The following SFMBT1 variants were observed in gnomAD, a reference collection of about 807,000 sequenced individuals.
SFMBT1 encodes scm-like with four MBT domains protein 1.
In SFMBT1, 32 loss-of-function variants were observed where a neutral mutation model predicts 108.7. The observed-to-expected ratio is 0.29, with a 90% CI of 0.22 to 0.40. SFMBT1 has a LOEUF of 0.40. Among genes scored for constraint, SFMBT1 ranks in the 10% least tolerant of loss-of-function variants. The probability of loss-of-function intolerance (pLI) is 1.00; values close to 1 mark genes in which losing one functional copy is unlikely to be tolerated. For synonymous variants in SFMBT1, 348 were observed against 369.5 expected (o/e 0.94, Z 0.67); for missense variants, 816 against 1,059.6 (o/e 0.77, Z 3.19).
At chr3:52,983,962 G>A (rs943013030) in intron 1 of SFMBT1, among the ~76,000 whole-genome samples, 5 of 152,196 alleles carry the variant, frequency 3.3e-5, no homozygotes, top group East Asian at 3.8e-4. Context: ...GAAGCAGGAA[G>A]ACCAACTAAA....
At chr3:52,930,913 A>C in intron 7 of SFMBT1, 28 bp downstream of exon 7, 433 of 1,588,068 alleles carry the variant, frequency 2.7e-4, no homozygotes, top group Non-Finnish European at 3.4e-4. Flanking sequence ...GGGGAGCAAT[A>C]CCGGTCTATC....
At chr3:52,982,466 C>G (rs1197321835) in intron 1 of SFMBT1, among the ~76,000 whole-genome samples, 7 of 152,106 alleles carry the variant, frequency 4.6e-5, no homozygotes, top group African/African-American at 1.7e-4. Context: ...CGGTGGCTCA[C>G]GCCTGTAATG....
chr3:52,908,866 C>T (rs561382531), intron 17 of SFMBT1, among the ~76,000 whole-genome samples: 3 of 152,274 alleles, frequency 2.0e-5, no homozygotes, highest in African/African-American at 4.8e-5. Context: ...CCACCGCACC[C>T]GGCTTGACTA....
chr3:53,004,513 C>A (rs1426980645), intron 1 of SFMBT1, among the ~76,000 whole-genome samples: 1 of 149,854 alleles, frequency 6.7e-6, no homozygotes, highest in Admixed American at 6.8e-5. Flanking sequence ...ACCTTGTGAT[C>A]CCCCTGCCTC....
At chr3:52,985,949 C>A (rs1367584391) in intron 1 of SFMBT1, among the ~76,000 whole-genome samples, 1 of 152,076 alleles carries the variant, frequency 6.6e-6, no homozygotes, top group East Asian at 1.9e-4. Context: ...TTGAGACCAG[C>A]CTGGCCAACA....
chr3:52,971,951 G>A (rs527310287), intron 1 of SFMBT1, among the ~76,000 whole-genome samples: 24 of 152,214 alleles, frequency 1.6e-4, no homozygotes, highest in Non-Finnish European at 3.2e-4. Context: ...AGGGATAACA[G>A]CAATTAATAT....
chr3:52,954,264 G>T, intron 3 of SFMBT1, 53 bp downstream of exon 3: 1 of 1,274,486 alleles, frequency 7.8e-7, no homozygotes, highest in Non-Finnish European at 1.1e-6. Context: ...ATAATACAGA[G>T]ATTCGAAATA....
chr3:53,024,253 T>C (rs1369732086), intron 1 of SFMBT1, among the ~76,000 whole-genome samples: 1 of 151,918 alleles, frequency 6.6e-6, no homozygotes, highest in East Asian at 1.9e-4. Flanking sequence ...TTAGAGCCTG[T>C]TCTATGAAAT....
At chr3:52,956,246 G>A (rs1703779325) in intron 2 of SFMBT1, among the ~76,000 whole-genome samples, 1 of 152,208 alleles carries the variant, frequency 6.6e-6, no homozygotes, top group African/African-American at 2.4e-5. Context: ...CAGATCACGA[G>A]GTCAAGAGAT....
intron 4 of SFMBT1, among the ~76,000 whole-genome samples, chr3:52,942,079 C>T (rs1046451425): frequency 1.3e-5 from 2 of 151,846 alleles, no homozygotes; most frequent in Admixed American, 1.3e-4. Context: ...ATAGCAAGAC[C>T]CTGCCTCAAG....
Position 52,930,031 on chromosome 3 carries a change from C to T in SFMBT1, c.897+298G>A, listed in dbSNP as rs569109327. Reference sequence around the variant, plus strand: ...TCCAACTTTACAGATACCCTGGCCTCCTAAAGGAGTTAAATCTCCTTTACT... The same window carrying T: ...TCCAACTTTACAGATACCCTGGCCTTCTAAAGGAGTTAAATCTCCTTTACT... On this transcript the variant is annotated intron_variant, in intron 8 of 20. Coordinates refer to ENST00000394752, the MANE Select transcript of SFMBT1 (RefSeq NM_016329.4). Among the ~76,000 whole-genome samples, 3 of 152,308 alleles carry T rather than the reference C, an allele frequency of 2.0e-5. No individual in the cohort carries two copies. In the South Asian group the frequency reaches 6.2e-4, roughly 32 times the overall value.
intron 1 of SFMBT1, among the ~76,000 whole-genome samples, chr3:53,006,354 G>C (rs1698738836): frequency 1.3e-5 from 2 of 152,178 alleles, no homozygotes; most frequent in African/African-American, 4.8e-5. Context: ...GTCCAGGCCT[G>C]GCGCGGTGGC....
chr3:52,956,493 G>C (rs1157339351), intron 2 of SFMBT1, among the ~76,000 whole-genome samples: 1 of 152,004 alleles, frequency 6.6e-6, no homozygotes, highest in African/African-American at 2.4e-5. Flanking sequence ...GGGTGCAGTG[G>C]CTCACGTCTG....
At chr3:53,013,856 T>C (rs1350705453) in intron 1 of SFMBT1, among the ~76,000 whole-genome samples, 1 of 152,104 alleles carries the variant, frequency 6.6e-6, no homozygotes, top group Non-Finnish European at 1.5e-5. Flanking sequence ...CTCGATCTCC[T>C]GATCCCAGGT....
At chr3:52,955,600 T>C (rs1482010257) in intron 2 of SFMBT1, among the ~76,000 whole-genome samples, 1 of 151,628 alleles carries the variant, frequency 6.6e-6, no homozygotes, top group African/African-American at 2.4e-5. Context: ...ACTAGAAAAT[T>C]TACAAGAAAT....
chr3:52,926,455 T>C (rs1289463767), intron 9 of SFMBT1, among the ~76,000 whole-genome samples: 2 of 152,230 alleles, frequency 1.3e-5, no homozygotes, highest in African/African-American at 4.8e-5. Context: ...GATTTGTATA[T>C]ATAAATCCAC....
chr3:52,942,521 T>C (rs540317812), intron 4 of SFMBT1, among the ~76,000 whole-genome samples: 2 of 152,184 alleles, frequency 1.3e-5, no homozygotes, highest in Non-Finnish European at 2.9e-5. Flanking sequence ...TCTGGTATTT[T>C]CTTTCTTTTG....
Position 52,907,096 on chromosome 3 carries a change from G to A in SFMBT1, c.2304C>T (p.Asp768=), listed in dbSNP as rs780822985. ...TTGGTGAAGGAGGTTTATTTTCATC[G>A]TCAGAAAATGAAAAGGTGCGAAGCT... ...KRELRTFSFS[D]DENKPPSPKE... is the part of the protein sequence containing the mutation. Residue 768 remains aspartate (D), a synonymous_variant, in exon 19 of 21, where the codon GAC becomes GAT. Transcript: ENST00000394752. 12 of 1,612,682 alleles carry A rather than the reference G, an allele frequency of 7.4e-6. No homozygotes were observed. Among genetic ancestry groups the A allele is most frequent in the East Asian group, 2.2e-5 (1 of 44,888 alleles).
rs114914174 is a variant in SFMBT1 at position 52,993,986 on chromosome 3, C to G, written c.-130-24728G>C. Among the ~76,000 whole-genome samples the G allele has an allele frequency of 8.3e-3, 1,249 of 150,344 alleles. 44 individuals carry two copies. The highest frequency in any genetic ancestry group is 0.029 in the African/African-American group (1,190 of 41,366). On this transcript the variant is annotated intron_variant, in intron 1 of 20. Transcript: ENST00000394752. ...ATAAAGTAGTAATTCAGGATATATA[C>G]AGTCTATGACTGTAAAGCACATCTT...
Sources: allele counts gnomAD v4.1 joint callset (sites outside exome capture counted in the v4.1 genomes callset), GRCh38; gene constraint gnomAD v4.1.1; transcripts MANE v1.5; gene names NCBI Gene and HGNC (gene_info 2026-07-23, HGNC 2026-07-21).